The following ITFG1 variants were observed in gnomAD, a reference collection of about 807,000 sequenced individuals.
ITFG1 encodes T-cell immunomodulatory protein.
Under a neutral mutation model 81.8 loss-of-function variants are expected in ITFG1, and 34 were observed. The ratio of observed to expected loss-of-function variants is 0.42; its 90% CI spans 0.32 to 0.55. The LOEUF is 0.55. Among genes scored for constraint, ITFG1 ranks in the 20% least tolerant of loss-of-function variants. The probability of loss-of-function intolerance (pLI) is 0.17; values close to 1 mark genes in which losing one functional copy is unlikely to be tolerated. For missense variants in ITFG1, 672 were observed against 755.4 expected (o/e 0.89, Z 1.29); for synonymous variants, 285 against 270.6 (o/e 1.05, Z -0.52).
At chr16:47,168,058 G>A (rs1596779721) in intron 14 of ITFG1, among the ~76,000 whole-genome samples, 1 of 152,106 alleles carries the variant, frequency 6.6e-6, no homozygotes, top group East Asian at 1.9e-4. Context: ...CAATGTATGA[G>A]GGTTCCTATT....
In ITFG1 at chr16:47,452,886, G is replaced by A. The variant is rs1285613701; in HGVS notation, c.428-96C>T. ...AAAAATATTCTTCTACTCTTTTCTA[G>A]ATTTATCTCTGATTTATTCCAACTA... On this transcript the variant is annotated intron_variant, in intron 3 of 17. Transcript: ENST00000320640. 101 of 606,020 alleles carry A rather than the reference G, an allele frequency of 1.7e-4. 1 individual carries two copies. In the Admixed American group the frequency reaches 3.7e-3, roughly 22 times the overall value. The allele number at this position is 606,020 out of a possible 1,614,324, so 37.5% of individuals were successfully genotyped here.
In ITFG1 at chr16:47,187,693, T is replaced by C. The variant is rs1014639726; in HGVS notation, c.1454-25029A>G. Among the ~76,000 whole-genome samples, 1,082 of 151,292 alleles carry C rather than the reference T, an allele frequency of 7.2e-3. 15 individuals are homozygous for C. The highest frequency in any genetic ancestry group is 0.025 in the African/African-American group (1,036 of 41,362). ...AACCTAGGCATTACCATTCAGGACA[T>C]AGGCATGGGCAAGCACTTCCTGTCT... On this transcript the variant is annotated intron_variant, in intron 14 of 17. Transcript: ENST00000320640.
intron 5 of ITFG1, among the ~76,000 whole-genome samples, chr16:47,442,516 G>A (rs1005003821): frequency 6.6e-6 from 1 of 152,178 alleles, no homozygotes; most frequent in Admixed American, 6.5e-5. Context: ...CAAGGCTACA[G>A]TAACCAAAAC....
At chr16:47,244,839 A>T (rs1230703743) in intron 12 of ITFG1, among the ~76,000 whole-genome samples, 2 of 152,102 alleles carry the variant, frequency 1.3e-5, no homozygotes, top group Non-Finnish European at 2.9e-5. Context: ...CTCTACATGC[A>T]CATGAAAAGA....
chr16:47,292,204 G>A (rs1002839322), intron 10 of ITFG1, among the ~76,000 whole-genome samples: 2 of 152,160 alleles, frequency 1.3e-5, no homozygotes, highest in East Asian at 1.9e-4. Context: ...AGTAGAGATC[G>A]GGTTTCACCA....
At chr16:47,251,544 A>C (rs561804317) in intron 12 of ITFG1, among the ~76,000 whole-genome samples, 1 of 152,286 alleles carries the variant, frequency 6.6e-6, no homozygotes, top group East Asian at 1.9e-4. Context: ...GAAGACTAAC[A>C]GGAATAATCA....
chr16:47,307,609 A>C lies in ITFG1; in HGVS notation c.1070+3631T>G, dbSNP rs1204985491. 2.0e-5 allele frequency among the ~76,000 whole-genome samples: 3 copies of C among 152,222 alleles called. No homozygotes were observed. The East Asian group carries it at 5.8e-4, about 29-fold the overall frequency. ...AATGACACAGAATGAGTTTACATCC[A>C]GGACAATATTTCTTTCTTCTTTTAA... On this transcript the variant is annotated intron_variant, in intron 10 of 17. Transcript: ENST00000320640.
At chr16:47,244,655 A>AC (rs1965978168) in intron 12 of ITFG1, among the ~76,000 whole-genome samples, 1 of 118,970 alleles carries the variant, frequency 8.4e-6, no homozygotes, top group Non-Finnish European at 1.7e-5. Flanking sequence ...GTGTGTATTT[A>AC]CCCCTCTGTA....
chr16:47,414,655 A>G (rs568503523), intron 6 of ITFG1, among the ~76,000 whole-genome samples: 4 of 152,358 alleles, frequency 2.6e-5, no homozygotes, highest in African/African-American at 9.6e-5. Flanking sequence ...TTAAGAAAGA[A>G]TCACAATTCT....
At chr16:47,176,379 G>A (rs1965024331) in intron 14 of ITFG1, among the ~76,000 whole-genome samples, 1 of 151,892 alleles carries the variant, frequency 6.6e-6, no homozygotes. Flanking sequence ...TTTTTTGTGA[G>A]GAAGATATGT....
At chr16:47,331,703 A>G (rs916339487) in intron 8 of ITFG1, among the ~76,000 whole-genome samples, 4 of 152,308 alleles carry the variant, frequency 2.6e-5, no homozygotes, top group African/African-American at 9.6e-5. Context: ...GTCAAGTTTC[A>G]GAAATAAGTA....
At chr16:47,199,657 T>C (rs1370816028) in intron 14 of ITFG1, among the ~76,000 whole-genome samples, 3 of 152,118 alleles carry the variant, frequency 2.0e-5, no homozygotes, top group Non-Finnish European at 4.4e-5. Flanking sequence ...GGAAGACAAT[T>C]TTTCCATGGA....
chr16:47,186,647 C>A (rs1413389502), intron 14 of ITFG1, among the ~76,000 whole-genome samples: 2 of 152,148 alleles, frequency 1.3e-5, no homozygotes, highest in Non-Finnish European at 2.9e-5. Flanking sequence ...AACCCACAGC[C>A]AATATCATAC....
At chr16:47,275,944 C>T (rs1966393492) in intron 10 of ITFG1, among the ~76,000 whole-genome samples, 1 of 151,990 alleles carries the variant, frequency 6.6e-6, no homozygotes, top group Non-Finnish European at 1.5e-5. Flanking sequence ...ATACATGGTT[C>T]TGTTACATAT....
At chr16:47,306,865 C>A (rs1411764691) in intron 10 of ITFG1, among the ~76,000 whole-genome samples, 1 of 151,708 alleles carries the variant, frequency 6.6e-6, no homozygotes, top group African/African-American at 2.4e-5. Context: ...GAGGCCTAGG[C>A]GGGTGGATCA....
intron 8 of ITFG1, among the ~76,000 whole-genome samples, chr16:47,341,139 G>C (rs1466206588): frequency 6.6e-6 from 1 of 151,880 alleles, no homozygotes; most frequent in Non-Finnish European, 1.5e-5. Flanking sequence ...TAAAAGCCAG[G>C]CATGGTAGCT....
At chr16:47,274,172 G>A (rs150294024) in intron 10 of ITFG1, among the ~76,000 whole-genome samples, 9 of 152,060 alleles carry the variant, frequency 5.9e-5, no homozygotes, top group East Asian at 1.9e-4. Context: ...CAGGAGAATC[G>A]CTTGAACCTG....
intron 14 of ITFG1, among the ~76,000 whole-genome samples, chr16:47,176,503 TCATTACATAGGGACTCTAAC>T (rs1158840778): frequency 2.0e-5 from 3 of 152,210 alleles, no homozygotes; most frequent in Non-Finnish European, 4.4e-5. Flanking sequence ...TAAACATATG[TCATTACATAGGGACTCTAAC>T]CTACAAATGA....
At chr16:47,458,176 T>A (rs1294924122) in intron 2 of ITFG1, among the ~76,000 whole-genome samples, 2 of 152,234 alleles carry the variant, frequency 1.3e-5, no homozygotes, top group Non-Finnish European at 2.9e-5. Context: ...CCTCTTCTAA[T>A]GGGACAGCAT....
Sources: gnomAD v4.1 joint callset for allele counts (sites outside exome capture counted in the v4.1 genomes callset) on GRCh38, gnomAD v4.1.1 for gene constraint, MANE v1.5 for transcripts, NCBI Gene and HGNC (gene_info 2026-07-23, HGNC 2026-07-21) for gene names.